CDC42BPA: variants seen among roughly 807,000 people sequenced by gnomAD.
CDC42BPA encodes serine/threonine-protein kinase MRCK alpha.
A neutral mutation model predicts 223.5 loss-of-function variants in CDC42BPA; 80 were observed. The observed-to-expected ratio is 0.36, with a 90% CI of 0.30 to 0.43. The LOEUF (loss-of-function observed/expected upper bound fraction) is 0.43, where lower values mean the gene tolerates loss of function less well. CDC42BPA is among the 20% of genes least tolerant of loss of function. The pLI is 1.00. For missense variants in CDC42BPA, 1,743 were observed against 2,099.9 expected, an observed-to-expected ratio of 0.83 and a Z score of 3.32; for synonymous variants, 694 against 718.6, an observed-to-expected ratio of 0.97 and a Z score of 0.55.
At chr1:227,063,652 T>C (rs139165197) in intron 21 of CDC42BPA, among the ~76,000 whole-genome samples, 20 of 152,258 alleles carry the variant, frequency 1.3e-4, no homozygotes, top group Admixed American at 3.9e-4. Flanking sequence ...AATATGTGGA[T>C]AGAAATTGTA....
intron 1 of CDC42BPA, among the ~76,000 whole-genome samples, chr1:227,292,240 C>T (rs1689820203): frequency 6.6e-6 from 1 of 152,104 alleles, no homozygotes; most frequent in African/African-American, 2.4e-5. Flanking sequence ...CTTGGCCTCC[C>T]AAAGTGCTGG....
At position 227,126,374 on chromosome 1, in the gene CDC42BPA, C is replaced by T. The variant is rs191479583; in HGVS notation, c.1513+2735G>A. 3.3e-4 allele frequency among the ~76,000 whole-genome samples: 50 copies of T among 152,076 alleles called. 1 individual carries two copies. The highest frequency in any genetic ancestry group is 1.7e-3 in the Admixed American group (26 of 15,276). ...TCAGAAAGGATGCATGCAGGTGGAT[C>T]CCCTGCTGGTACTCTTTTGTTCAGG... On this transcript the variant is annotated intron_variant, in intron 11 of 36. Coordinates refer to ENST00000366766, the MANE Select transcript of CDC42BPA (RefSeq NM_001394014.1).
intron 21 of CDC42BPA, among the ~76,000 whole-genome samples, chr1:227,054,616 G>T (rs1674197004): frequency 6.6e-6 from 1 of 152,084 alleles, no homozygotes; most frequent in Non-Finnish European, 1.5e-5. Flanking sequence ...AATTTAATTT[G>T]CAACTACACA....
intron 34 of CDC42BPA, among the ~76,000 whole-genome samples, chr1:227,012,444 A>C (rs576490930): frequency 6.7e-6 from 1 of 149,754 alleles, no homozygotes; most frequent in Non-Finnish European, 1.5e-5. Flanking sequence ...CATCTGATAG[A>C]GGAATATGAC....
intron 1 of CDC42BPA, among the ~76,000 whole-genome samples, chr1:227,280,836 TGAGACA>T (rs2148566893): frequency 6.6e-6 from 1 of 152,358 alleles, no homozygotes; most frequent in South Asian, 2.1e-4. Flanking sequence ...TTGTTTTAGC[TGAGACA>T]GAGATCAGTT....
At chr1:227,030,557 A>G in intron 28 of CDC42BPA, 87 bp from the exon 29 acceptor site, 1 of 764,476 alleles carries the variant, frequency 1.3e-6, no homozygotes, top group Non-Finnish European at 2.2e-6. Context: ...ATTTGGTGCA[A>G]AAAATGGAAA....
intron 4 of CDC42BPA, among the ~76,000 whole-genome samples, chr1:227,195,670 T>C (rs1343024206): frequency 6.7e-6 from 1 of 148,166 alleles, no homozygotes; most frequent in Non-Finnish European, 1.5e-5. Context: ...CTGTTCCTAA[T>C]CTATTCTGCT....
chr1:227,264,356 A>C (rs1684621159), intron 1 of CDC42BPA, among the ~76,000 whole-genome samples: 1 of 143,454 alleles, frequency 7.0e-6, no homozygotes, highest in African/African-American at 3.0e-5. Flanking sequence ...AGGATCATGT[A>C]CTGCTTTATT....
At chr1:227,126,538 GAA>G (rs141275178) in intron 11 of CDC42BPA, among the ~76,000 whole-genome samples, 20,785 of 145,688 alleles carry the variant, frequency 0.14, 1,898 homozygotes, top group South Asian at 0.34. Context: ...GGAAAAAGAA[GAA>G]AAAAAAGGAA....
rs189609702 is a variant in CDC42BPA at position 227,114,233 on chromosome 1, C to T, written c.1648-1320G>A. On this transcript the variant is annotated intron_variant, in intron 12 of 36. Coordinates refer to ENST00000366766, the MANE Select transcript of CDC42BPA (RefSeq NM_001394014.1). ...AAAGACAAATCACCTATTCCCCATCCTCAAATAAGGCGGGGAGGAGGAAAA... is the reference window on the plus strand; with the variant it reads ...AAAGACAAATCACCTATTCCCCATCTTCAAATAAGGCGGGGAGGAGGAAAA... 1.3e-3 allele frequency among the ~76,000 whole-genome samples: 192 copies of T among 151,940 alleles called. 2 individuals carry two copies. The highest frequency in any genetic ancestry group is 4.3e-3 in the African/African-American group (177 of 41,444).
intron 5 of CDC42BPA, among the ~76,000 whole-genome samples, chr1:227,187,484 G>GAAA (rs56401083): frequency 2.9e-5 from 4 of 138,384 alleles, no homozygotes; most frequent in Admixed American, 2.9e-4. Context: ...GAGAAGACTG[G>GAAA]AAAAAAAAAA....
chr1:227,165,455 G>A (rs1457767718), intron 5 of CDC42BPA, among the ~76,000 whole-genome samples: 1 of 146,444 alleles, frequency 6.8e-6, no homozygotes, highest in East Asian at 2.0e-4. Flanking sequence ...GAAATTTTAA[G>A]AGTACTGACA....
chr1:227,059,372 C>T (rs766225333), intron 21 of CDC42BPA: 2 of 1,562,152 alleles, frequency 1.3e-6, no homozygotes, highest in South Asian at 2.4e-5. Flanking sequence ...AAGTCTCTTA[C>T]ACGTCTGCCT....
At chr1:227,257,836 C>CA (rs1683353488) in intron 1 of CDC42BPA, among the ~76,000 whole-genome samples, 1 of 150,392 alleles carries the variant, frequency 6.6e-6, no homozygotes, top group Non-Finnish European at 1.5e-5. Context: ...AAAAATTACA[C>CA]ACAAGTTTGA....
chr1:227,044,679 G>A (rs1008092360), intron 23 of CDC42BPA, among the ~76,000 whole-genome samples: 31 of 152,132 alleles, frequency 2.0e-4, no homozygotes, highest in African/African-American at 7.2e-4. Flanking sequence ...CTATGGTAGA[G>A]AAGGATATGG....
chr1:227,118,265 G>C (rs1688083784), intron 12 of CDC42BPA, among the ~76,000 whole-genome samples: 1 of 152,142 alleles, frequency 6.6e-6, no homozygotes, highest in African/African-American at 2.4e-5. Context: ...ATTTCTCTAA[G>C]ACGACATACA....
intron 5 of CDC42BPA, among the ~76,000 whole-genome samples, chr1:227,168,497 G>GTGTTTTTTTTTTTTTTTTTTTTTTTTTTT (rs1302291274): frequency 2.5e-5 from 2 of 80,196 alleles, no homozygotes; most frequent in African/African-American, 5.0e-5. Flanking sequence ...CTTCCCTGGT[G>GTGTTTTTTTTTTTTTTTTTTTTTTTTTTT]TTTTTTTTTT....
chr1:227,010,900 G>A, intron 34 of CDC42BPA: 1 of 1,364,034 alleles, frequency 7.3e-7, no homozygotes, highest in Non-Finnish European at 9.8e-7. Flanking sequence ...AAAGCTTGGT[G>A]TACCAGGGAC....
At chr1:227,039,062 C>T (rs374670842) in intron 24 of CDC42BPA, among the ~76,000 whole-genome samples, 1 of 152,208 alleles carries the variant, frequency 6.6e-6, no homozygotes, top group South Asian at 2.1e-4. Context: ...GTCCTCTCAT[C>T]AGACAACAGC....
Sources: allele counts gnomAD v4.1 joint callset (sites outside exome capture counted in the v4.1 genomes callset), GRCh38; gene constraint gnomAD v4.1.1; transcripts MANE v1.5; gene names NCBI Gene and HGNC (gene_info 2026-07-23, HGNC 2026-07-21).